Variants in FAM13A observed in about 807,000 individuals in gnomAD.
The protein encoded by FAM13A is protein FAM13A.
A neutral mutation model predicts 129.6 loss-of-function variants in FAM13A; 76 were observed. The observed-to-expected ratio is 0.59, with a 90% confidence interval of 0.49 to 0.71. The LOEUF is 0.71. Ranked by LOEUF, FAM13A falls within the 30% of genes least tolerant of loss-of-function variation. The pLI is 0.00. For synonymous variants in FAM13A, 443 were observed against 449.9 expected (o/e 0.98, Z 0.20); for missense variants, 1,108 against 1,249.3 (o/e 0.89, Z 1.70).
intron 4 of FAM13A, among the ~76,000 whole-genome samples, chr4:88,954,999 C>T (rs1422963705): frequency 1.3e-5 from 2 of 152,074 alleles, no homozygotes; most frequent in African/African-American, 2.4e-5. Context: ...ATTCTAATCC[C>T]ATCAGGATAT....
chr4:88,825,378 C>T (rs561938050), intron 7 of FAM13A, among the ~76,000 whole-genome samples: 2 of 151,480 alleles, frequency 1.3e-5, no homozygotes, highest in African/African-American at 4.9e-5. Flanking sequence ...ACCATGCCCC[C>T]CCTAATTTTT....
At chr4:88,752,476 G>T (rs1162598059) in intron 14 of FAM13A, among the ~76,000 whole-genome samples, 1 of 152,250 alleles carries the variant, frequency 6.6e-6, no homozygotes, top group Non-Finnish European at 1.5e-5. Flanking sequence ...AAGAGAACTA[G>T]GTTATCTGGA....
chr4:89,029,456 T>C lies in FAM13A; in HGVS notation c.217+4A>G. The C allele has an allele frequency of 6.3e-7, 1 of 1,592,868 alleles. No homozygotes were observed. The highest frequency in any genetic ancestry group is 8.5e-7 in the Non-Finnish European group (1 of 1,172,024). ...TGAACAGACTAAAGCATGACTTAAC[T>C]CACCATGCTGCGTCAAATATTCCAC... On this transcript the variant is annotated splice_donor_region_variant and intron_variant, in intron 2 of 23. Transcript: ENST00000264344.
At chr4:88,787,358 G>A (rs1372594814) in intron 10 of FAM13A, among the ~76,000 whole-genome samples, 2 of 152,024 alleles carry the variant, frequency 1.3e-5, no homozygotes, top group Non-Finnish European at 2.9e-5. Flanking sequence ...GGAGAAATCA[G>A]CTGCTCCATA....
intron 1 of FAM13A, among the ~76,000 whole-genome samples, chr4:89,052,870 C>T (rs1287464817): frequency 6.6e-6 from 1 of 152,190 alleles, no homozygotes; most frequent in East Asian, 1.9e-4. Flanking sequence ...GAACCATATG[C>T]CAGTCAGGAG....
intron 19 of FAM13A, among the ~76,000 whole-genome samples, chr4:88,739,655 G>A (rs1246810107): frequency 6.6e-6 from 1 of 151,164 alleles, no homozygotes; most frequent in Non-Finnish European, 1.5e-5. Context: ...GAGTGTGGTG[G>A]TGGGTGCCTG....
intron 6 of FAM13A, among the ~76,000 whole-genome samples, chr4:88,888,766 A>C (rs2150153774): frequency 6.8e-6 from 1 of 147,888 alleles, no homozygotes; most frequent in Non-Finnish European, 1.5e-5. Flanking sequence ...TCTACTAAAA[A>C]TACTAAAAAA....
At chr4:88,904,533 G>A (rs1037721431) in intron 6 of FAM13A, among the ~76,000 whole-genome samples, 2 of 152,148 alleles carry the variant, frequency 1.3e-5, no homozygotes, top group African/African-American at 4.8e-5. Context: ...ACCAAACATT[G>A]CATGTTCTCA....
intron 8 of FAM13A, among the ~76,000 whole-genome samples, chr4:88,793,720 A>C (rs555745701): frequency 6.6e-6 from 1 of 152,084 alleles, no homozygotes; most frequent in Non-Finnish European, 1.5e-5. Flanking sequence ...AACCTCAAAA[A>C]ATTGTTCTAT....
chr4:89,013,913 T>G (rs1766093317), intron 3 of FAM13A, among the ~76,000 whole-genome samples: 1 of 152,162 alleles, frequency 6.6e-6, no homozygotes, highest in South Asian at 2.1e-4. Context: ...GAGTTTTCTC[T>G]GGGTACAAAG....
chr4:88,870,987 G>A (rs1741290486), intron 6 of FAM13A, among the ~76,000 whole-genome samples: 1 of 152,200 alleles, frequency 6.6e-6, no homozygotes, highest in East Asian at 1.9e-4. Context: ...GCCTTTGCTG[G>A]TGATACCTAG....
intron 5 of FAM13A, among the ~76,000 whole-genome samples, chr4:88,920,843 G>C (rs1300553292): frequency 1.3e-5 from 2 of 152,190 alleles, no homozygotes; most frequent in African/African-American, 4.8e-5. Context: ...AATCAATAGA[G>C]AGAAGTGCTT....
At chr4:88,809,782 G>C (rs1215524433) in intron 7 of FAM13A, among the ~76,000 whole-genome samples, 1 of 151,756 alleles carries the variant, frequency 6.6e-6, no homozygotes, top group African/African-American at 2.4e-5. Context: ...GCCAACTGGG[G>C]AGGTACGTGG....
intron 4 of FAM13A, among the ~76,000 whole-genome samples, chr4:88,964,575 C>T (rs1365126112): frequency 6.6e-6 from 1 of 151,152 alleles, no homozygotes; most frequent in Non-Finnish European, 1.5e-5. Flanking sequence ...ACCACACTAG[C>T]ACATAATGAA....
intron 1 of FAM13A, among the ~76,000 whole-genome samples, chr4:89,051,059 G>C (rs961660240): frequency 1.3e-5 from 2 of 152,242 alleles, no homozygotes; most frequent in African/African-American, 4.8e-5. Flanking sequence ...GAGGAGGACA[G>C]ATACAACTAC....
chr4:88,951,203 C>T lies in FAM13A; in HGVS notation c.606-12962G>A, dbSNP rs574363648. ...TGTCCTAGATGATATATCAGATCCCCTCCATTTCTTTAATTCTACTTTTCT... is the reference window on the plus strand; with the variant it reads ...TGTCCTAGATGATATATCAGATCCCTTCCATTTCTTTAATTCTACTTTTCT... On this transcript the variant is annotated intron_variant, in intron 4 of 23. Transcript: ENST00000264344. Among the ~76,000 whole-genome samples the T allele has an allele frequency of 1.0e-3, 154 of 152,138 alleles. 1 individual carries two copies. Among genetic ancestry groups the T allele is most frequent in the Non-Finnish European group, 2.0e-3 (136 of 68,032 alleles).
At chr4:88,913,320 A>C (rs1194906106) in intron 5 of FAM13A, among the ~76,000 whole-genome samples, 1 of 147,406 alleles carries the variant, frequency 6.8e-6, no homozygotes, top group Non-Finnish European at 1.5e-5. Context: ...GAGGAAGAAG[A>C]GGAGGAGGAA....
chr4:89,024,306 T>C (rs1202038126), intron 2 of FAM13A, among the ~76,000 whole-genome samples: 2 of 152,176 alleles, frequency 1.3e-5, no homozygotes, highest in Admixed American at 6.5e-5. Flanking sequence ...CGGCATAACC[T>C]ATAGTATCTT....
At chr4:88,977,992 A>G (rs1761134196) in intron 4 of FAM13A, among the ~76,000 whole-genome samples, 1 of 152,222 alleles carries the variant, frequency 6.6e-6, no homozygotes, top group South Asian at 2.1e-4. Flanking sequence ...CCCAAGGAAT[A>G]ATAGACTTCA....
Sources: gnomAD v4.1 joint callset for allele counts (sites outside exome capture counted in the v4.1 genomes callset) on GRCh38, gnomAD v4.1.1 for gene constraint, MANE v1.5 for transcripts, NCBI Gene and HGNC (gene_info 2026-07-23, HGNC 2026-07-21) for gene names.